Variants in EPHA3 observed in about 807,000 individuals in gnomAD.
EPHA3 encodes ephrin type-A receptor 3.
A neutral mutation model predicts 107.1 loss-of-function variants in EPHA3; 42 were observed. The observed-to-expected ratio is 0.39, with a 90% confidence interval of 0.31 to 0.51. The LOEUF (loss-of-function observed/expected upper bound fraction) is 0.51, where lower values mean the gene tolerates loss of function less well. Among genes scored for constraint, EPHA3 ranks in the 20% least tolerant of loss-of-function variants. EPHA3 has a pLI of 0.78. For synonymous variants in EPHA3, 461 were observed against 424.8 expected, an observed-to-expected ratio of 1.09 and a Z score of -1.05; for missense variants, 1,183 against 1,211.2, an observed-to-expected ratio of 0.98 and a Z score of 0.35.
At chr3:89,339,542 G>T (rs1182701087) in intron 3 of EPHA3, among the ~76,000 whole-genome samples, 1 of 152,086 alleles carries the variant, frequency 6.6e-6, no homozygotes, top group African/African-American at 2.4e-5. Flanking sequence ...CTAGATTAAT[G>T]ATTGCTATCA....
intron 1 of EPHA3, among the ~76,000 whole-genome samples, chr3:89,124,135 C>T (rs1327275510): frequency 6.6e-6 from 1 of 152,176 alleles, no homozygotes; most frequent in Non-Finnish European, 1.5e-5. Flanking sequence ...TATGTCACAA[C>T]TCATTAGCCT....
intron 2 of EPHA3, among the ~76,000 whole-genome samples, chr3:89,198,815 CACA>C (rs1372892629): frequency 6.6e-6 from 1 of 152,116 alleles, no homozygotes. Flanking sequence ...GCATGAATCT[CACA>C]ACTGATATGA....
At chr3:89,333,623 C>G (rs1707336042) in intron 3 of EPHA3, among the ~76,000 whole-genome samples, 1 of 152,154 alleles carries the variant, frequency 6.6e-6, no homozygotes, top group Non-Finnish European at 1.5e-5. Context: ...CCTGTAATCC[C>G]AGAAGTTTGG....
chr3:89,356,646 G>A (rs1019302444), intron 5 of EPHA3, among the ~76,000 whole-genome samples: 1 of 150,806 alleles, frequency 6.6e-6, no homozygotes, highest in African/African-American at 2.4e-5. Flanking sequence ...GGTCATTCTC[G>A]TGTTGTTCGT....
chr3:89,111,510 C>CT (rs1286773816), intron 1 of EPHA3, among the ~76,000 whole-genome samples: 1 of 129,156 alleles, frequency 7.7e-6, no homozygotes, highest in Non-Finnish European at 1.7e-5. Flanking sequence ...CCCCTACATC[C>CT]CCCCCCCACC....
At chr3:89,127,100 G>C in intron 1 of EPHA3, 109 bp from the exon 2 acceptor site, 2 of 793,214 alleles carry the variant, frequency 2.5e-6, no homozygotes, top group East Asian at 2.5e-5. Flanking sequence ...TGAGAAGGAA[G>C]AGTTATGTTT....
Position 89,145,611 on chromosome 3 carries a change from G to A in EPHA3, c.153+18338G>A, listed in dbSNP as rs1704538478. 2.0e-5 allele frequency among the ~76,000 whole-genome samples: 3 copies of A among 151,706 alleles called. No individual in the cohort carries two copies. The South Asian group carries it at 6.2e-4, about 31-fold the overall frequency. ...CTTTTCACTAAGTTGATTTAAATGA[G>A]TCAAATTTTTTAAAATCTGCTTTTT... On this transcript the variant is annotated intron_variant, in intron 2 of 16. Transcript: ENST00000336596.
At chr3:89,113,555 G>A (rs1199634161) in intron 1 of EPHA3, among the ~76,000 whole-genome samples, 1 of 138,988 alleles carries the variant, frequency 7.2e-6, no homozygotes, top group Non-Finnish European at 1.6e-5. Context: ...GTTTTTGCAG[G>A]AGAAAAGAAA....
intron 3 of EPHA3, among the ~76,000 whole-genome samples, chr3:89,280,041 G>T (rs1705903157): frequency 6.6e-6 from 1 of 152,020 alleles, no homozygotes; most frequent in South Asian, 2.1e-4. Context: ...GTGTGTGTGT[G>T]TGTGTGTGTG....
chr3:89,335,650 G>A (rs556372893), intron 3 of EPHA3, among the ~76,000 whole-genome samples: 298 of 152,168 alleles, frequency 2.0e-3, no homozygotes, highest in Admixed American at 4.4e-3. Flanking sequence ...CATCTTACTT[G>A]AATATATCAA....
intron 3 of EPHA3, among the ~76,000 whole-genome samples, chr3:89,263,305 T>C (rs999376832): frequency 2.0e-5 from 3 of 152,120 alleles, no homozygotes; most frequent in Non-Finnish European, 4.4e-5. Context: ...GCGGATGGCT[T>C]AAGTGTTAAC....
At chr3:89,458,051 T>C (rs1710135291) in intron 15 of EPHA3, among the ~76,000 whole-genome samples, 1 of 149,708 alleles carries the variant, frequency 6.7e-6, no homozygotes, top group Admixed American at 6.7e-5. Flanking sequence ...ATAAGCATTC[T>C]TGGCAACAGT....
At chr3:89,384,208 T>C (rs1708568406) in intron 5 of EPHA3, among the ~76,000 whole-genome samples, 1 of 152,110 alleles carries the variant, frequency 6.6e-6, no homozygotes, top group South Asian at 2.1e-4. Flanking sequence ...GTTTCTACTT[T>C]GTCGTCTTAA....
At chr3:89,325,994 C>T (rs939978541) in intron 3 of EPHA3, among the ~76,000 whole-genome samples, 3 of 150,360 alleles carry the variant, frequency 2.0e-5, no homozygotes, top group Non-Finnish European at 4.4e-5. Flanking sequence ...TTAAAGAATA[C>T]AAAATTAAAA....
chr3:89,455,944 T>C (rs902733491), intron 15 of EPHA3, among the ~76,000 whole-genome samples: 4 of 152,218 alleles, frequency 2.6e-5, no homozygotes, highest in African/African-American at 9.7e-5. Context: ...ATTTTCTCAA[T>C]AAACTCTAAG....
intron 3 of EPHA3, among the ~76,000 whole-genome samples, chr3:89,272,047 T>A (rs1301565892): frequency 6.6e-6 from 1 of 152,058 alleles, no homozygotes; most frequent in Non-Finnish European, 1.5e-5. Flanking sequence ...TTTCTCTAGT[T>A]TACTTTATTG....
At chr3:89,280,775 A>G (rs962626070) in intron 3 of EPHA3, among the ~76,000 whole-genome samples, 2 of 152,172 alleles carry the variant, frequency 1.3e-5, no homozygotes, top group African/African-American at 2.4e-5. Flanking sequence ...TGACTATATT[A>G]CAACTATATC....
At chr3:89,150,590 A>G (rs1283746513) in intron 2 of EPHA3, among the ~76,000 whole-genome samples, 2 of 152,050 alleles carry the variant, frequency 1.3e-5, no homozygotes, top group Non-Finnish European at 2.9e-5. Context: ...AGATGCACAT[A>G]TACATATTAT....
At chr3:89,244,223 T>A (rs1306674580) in intron 3 of EPHA3, among the ~76,000 whole-genome samples, 3 of 152,114 alleles carry the variant, frequency 2.0e-5, no homozygotes, top group Non-Finnish European at 4.4e-5. Flanking sequence ...AACAGATTTT[T>A]AAGCCAATAA....
Sources: allele counts gnomAD v4.1 joint callset (sites outside exome capture counted in the v4.1 genomes callset), GRCh38; gene constraint gnomAD v4.1.1; transcripts MANE v1.5; gene names NCBI Gene and HGNC (gene_info 2026-07-23, HGNC 2026-07-21).